Variants in LGR4 observed in about 807,000 individuals in gnomAD.
The protein encoded by LGR4 is leucine-rich repeat-containing G protein-coupled receptor 4.
In LGR4, 44 loss-of-function variants were observed where a neutral mutation model predicts 84.8. The ratio of observed to expected loss-of-function variants is 0.52; its 90% CI spans 0.41 to 0.67. LGR4 has a LOEUF of 0.67. Among genes scored for constraint, LGR4 ranks in the 30% least tolerant of loss-of-function variants. The probability of loss-of-function intolerance (pLI) is 0.00; values close to 1 mark genes in which losing one functional copy is unlikely to be tolerated. For missense variants in LGR4, 1,032 were observed against 1,131.4 expected (o/e 0.91, Z 1.26); for synonymous variants, 429 against 434.3 (o/e 0.99, Z 0.15).
intron 1 of LGR4, among the ~76,000 whole-genome samples, chr11:27,424,894 C>A (rs767052051): frequency 1.3e-5 from 2 of 152,112 alleles, no homozygotes; most frequent in Non-Finnish European, 2.9e-5. Context: ...ATTATAGGCA[C>A]GTGCCACCAC....
chr11:27,445,182 G>T (rs957421765), intron 1 of LGR4, among the ~76,000 whole-genome samples: 3 of 151,982 alleles, frequency 2.0e-5, no homozygotes, highest in African/African-American at 7.3e-5. Flanking sequence ...CCCTCCTTTA[G>T]GGTACTCTCA....
chr11:27,436,758 T>C (rs1374083747), intron 1 of LGR4, among the ~76,000 whole-genome samples: 1 of 152,158 alleles, frequency 6.6e-6, no homozygotes, highest in Non-Finnish European at 1.5e-5. Flanking sequence ...TCACCACAGG[T>C]GTTAATATCG....
intron 1 of LGR4, among the ~76,000 whole-genome samples, chr11:27,437,922 G>A (rs1272084756): frequency 6.6e-6 from 1 of 151,956 alleles, no homozygotes; most frequent in East Asian, 1.9e-4. Context: ...TGGCTGAGAT[G>A]GAAGGACAAC....
At chr11:27,460,444 C>T (rs1307713612) in intron 1 of LGR4, among the ~76,000 whole-genome samples, 2 of 152,310 alleles carry the variant, frequency 1.3e-5, no homozygotes, top group East Asian at 3.9e-4. Context: ...TCAAATCTGG[C>T]AGAGCAATAC....
At chr11:27,407,208 G>T (rs76768396) in intron 2 of LGR4, among the ~76,000 whole-genome samples, 2,991 of 152,130 alleles carry the variant, frequency 0.02, 94 homozygotes, top group African/African-American at 0.069. Flanking sequence ...CACAAATTTG[G>T]TCAGCAAACT....
Position 27,372,277 on chromosome 11 carries a change from A to T in LGR4, c.1495+6T>A. ...GTGTTCTATTTTTTGAAACTCATGC[A>T]CTTGCCTTTCTCCTGTGCCACACTG... On this transcript the variant is annotated splice_donor_region_variant and intron_variant, in intron 16 of 17. Transcript: ENST00000379214. 1 of 1,540,822 alleles carries T rather than the reference A, an allele frequency of 6.5e-7. No individual in the cohort carries two copies. The highest frequency in any genetic ancestry group is 9.0e-7 in the Non-Finnish European group (1 of 1,113,560).
intron 1 of LGR4, among the ~76,000 whole-genome samples, chr11:27,424,879 T>C (rs972046301): frequency 5.3e-5 from 8 of 152,030 alleles, no homozygotes; most frequent in Admixed American, 2.0e-4. Flanking sequence ...TCCCAAGTAG[T>C]TGGGATTATA....
At chr11:27,371,238 G>T (rs1039976459) in intron 17 of LGR4, among the ~76,000 whole-genome samples, 6 of 152,192 alleles carry the variant, frequency 3.9e-5, no homozygotes, top group African/African-American at 1.2e-4. Flanking sequence ...GAAGTTCAAT[G>T]AAGTAAATGA....
intron 2 of LGR4, among the ~76,000 whole-genome samples, chr11:27,401,622 A>C (rs568558056): frequency 2.0e-5 from 3 of 152,224 alleles, no homozygotes; most frequent in Non-Finnish European, 4.4e-5. Context: ...TTTTCCCAGG[A>C]CATTTCTCAT....
chr11:27,382,118 C>A, intron 7 of LGR4, 70 bp downstream of exon 7: 1 of 982,376 alleles, frequency 1.0e-6, no homozygotes, highest in South Asian at 1.4e-5. Context: ...GTTCTAAAAT[C>A]CCATTGTTGG....
chr11:27,423,899 C>G (rs1377032745), intron 1 of LGR4, among the ~76,000 whole-genome samples: 1 of 152,140 alleles, frequency 6.6e-6, no homozygotes, highest in African/African-American at 2.4e-5. Context: ...AAACAACGTG[C>G]TACCATGAAA....
chr11:27,396,131 A>G (rs369177648), intron 2 of LGR4, among the ~76,000 whole-genome samples: 2 of 152,178 alleles, frequency 1.3e-5, no homozygotes, highest in South Asian at 4.1e-4. Flanking sequence ...CTGCTTGTAC[A>G]TGAAGGAGCC....
intron 1 of LGR4, among the ~76,000 whole-genome samples, chr11:27,461,372 C>T (rs1485562225): frequency 6.6e-6 from 1 of 151,666 alleles, no homozygotes; most frequent in Admixed American, 6.6e-5. Context: ...ACATAGGTAC[C>T]CCATAACCAG....
intron 1 of LGR4, among the ~76,000 whole-genome samples, chr11:27,421,708 C>G (rs1299848499): frequency 6.6e-6 from 1 of 152,158 alleles, no homozygotes; most frequent in Non-Finnish European, 1.5e-5. Flanking sequence ...ACTAGTTAGA[C>G]TAATTCAATA....
At chr11:27,403,297 C>CA (rs1413338694) in intron 2 of LGR4, among the ~76,000 whole-genome samples, 2 of 152,134 alleles carry the variant, frequency 1.3e-5, no homozygotes, top group African/African-American at 4.8e-5. Flanking sequence ...CCCATCTCTA[C>CA]AAAAAATACA....
intron 1 of LGR4, among the ~76,000 whole-genome samples, chr11:27,465,383 A>C (rs1208749614): frequency 2.0e-5 from 3 of 152,234 alleles, no homozygotes; most frequent in African/African-American, 7.2e-5. Context: ...AGCTTTTCTG[A>C]CAATTAAAAT....
chr11:27,406,994 T>A (rs1863623168), intron 2 of LGR4, among the ~76,000 whole-genome samples: 1 of 152,124 alleles, frequency 6.6e-6, no homozygotes, highest in Non-Finnish European at 1.5e-5. Context: ...GAAGACTATT[T>A]GAGACTATGC....
intron 1 of LGR4, among the ~76,000 whole-genome samples, chr11:27,436,172 A>C (rs1864203416): frequency 6.6e-6 from 1 of 151,750 alleles, no homozygotes; most frequent in African/African-American, 2.4e-5. Flanking sequence ...TGGCCTCCCA[A>C]AGTGCTGGGA....
intron 10 of LGR4, 23 bp downstream of exon 10, chr11:27,380,248 C>G (rs942769443): frequency 6.6e-7 from 1 of 1,506,800 alleles, no homozygotes; most frequent in Admixed American, 1.8e-5. Flanking sequence ...TTATACAACC[C>G]CTCTTCAAAG....
Sources: gnomAD v4.1 joint callset for allele counts (sites outside exome capture counted in the v4.1 genomes callset) on GRCh38, gnomAD v4.1.1 for gene constraint, MANE v1.5 for transcripts, NCBI Gene and HGNC (gene_info 2026-07-23, HGNC 2026-07-21) for gene names.